Variants in CDKAL1 observed in about 807,000 individuals in gnomAD.
CDKAL1 encodes the protein threonylcarbamoyladenosine tRNA methylthiotransferase.
A neutral mutation model predicts 68.2 loss-of-function variants in CDKAL1; 32 were observed. That is an observed-to-expected ratio of 0.47 (90% confidence interval 0.35 to 0.63). The LOEUF (loss-of-function observed/expected upper bound fraction) is 0.63. CDKAL1 is among the 30% of genes least tolerant of loss of function. The probability of loss-of-function intolerance (pLI) is 0.00; values close to 1 mark genes in which losing one functional copy is unlikely to be tolerated. For missense variants in CDKAL1, 606 were observed against 696.7 expected (o/e 0.87, Z 1.47); for synonymous variants, 234 against 244.3 (o/e 0.96, Z 0.39).
intron 12 of CDKAL1, among the ~76,000 whole-genome samples, chr6:21,081,874 A>G (rs9368272): frequency 0.52 from 79,405 of 151,842 alleles, 20,806 homozygotes; most frequent in East Asian, 0.55. Flanking sequence ...CACTGTGCCC[A>G]GCCAATATAC....
chr6:21,052,101 G>T (rs772592733), intron 11 of CDKAL1, among the ~76,000 whole-genome samples: 24 of 152,154 alleles, frequency 1.6e-4, no homozygotes, highest in South Asian at 4.1e-4. Flanking sequence ...GTTAATTTAA[G>T]AAATTTTTAA....
At chr6:20,610,490 T>G (rs1766570760) in intron 4 of CDKAL1, among the ~76,000 whole-genome samples, 1 of 119,756 alleles carries the variant, frequency 8.4e-6, no homozygotes, top group South Asian at 2.5e-4. Context: ...GTGGAAAACG[T>G]TTTTTTTTCT....
At chr6:20,980,274 G>A (rs57182024) in intron 10 of CDKAL1, among the ~76,000 whole-genome samples, 9 of 152,080 alleles carry the variant, frequency 5.9e-5, no homozygotes, top group African/African-American at 2.2e-4. Flanking sequence ...GTCTCGTTCT[G>A]TCGCCCAGGC....
chr6:21,196,745 C>T (rs1156674357), intron 13 of CDKAL1, among the ~76,000 whole-genome samples: 1 of 152,126 alleles, frequency 6.6e-6, no homozygotes, highest in African/African-American at 2.4e-5. Flanking sequence ...AATTATCTTG[C>T]CAGTGGGCTT....
At chr6:20,918,575 A>G (rs1268449819) in intron 9 of CDKAL1, among the ~76,000 whole-genome samples, 1 of 152,240 alleles carries the variant, frequency 6.6e-6, no homozygotes, top group Non-Finnish European at 1.5e-5. Flanking sequence ...GAAGAATAAA[A>G]CATACACATT....
chr6:20,663,123 T>G (rs1769365118), intron 5 of CDKAL1, among the ~76,000 whole-genome samples: 1 of 152,282 alleles, frequency 6.6e-6, no homozygotes, highest in Non-Finnish European at 1.5e-5. Flanking sequence ...TGTCCCTTCT[T>G]TAAAGGAGCT....
At chr6:20,557,581 A>C (rs759395941) in intron 4 of CDKAL1, among the ~76,000 whole-genome samples, 10 of 152,288 alleles carry the variant, frequency 6.6e-5, no homozygotes, top group Non-Finnish European at 1.2e-4. Flanking sequence ...GAATACATAT[A>C]TATGTTTTAT....
chr6:20,851,566 T>G (rs1205423008), intron 9 of CDKAL1, among the ~76,000 whole-genome samples: 1 of 152,104 alleles, frequency 6.6e-6, no homozygotes, highest in African/African-American at 2.4e-5. Flanking sequence ...TTACTACTTT[T>G]TGGCTCCCTC....
At chr6:20,844,711 CA>C (rs1554129778) in intron 8 of CDKAL1, among the ~76,000 whole-genome samples, 7 of 28,662 alleles carry the variant, frequency 2.4e-4, no homozygotes, top group African/African-American at 4.6e-4. Flanking sequence ...AACAGAAAAA[CA>C]AAAACAAAAA....
chr6:21,196,947 C>G (rs1401773561), intron 13 of CDKAL1, among the ~76,000 whole-genome samples: 2 of 152,132 alleles, frequency 1.3e-5, no homozygotes, highest in Non-Finnish European at 2.9e-5. Flanking sequence ...CACCTGAGGT[C>G]AGGAGTTCGA....
intron 7 of CDKAL1, among the ~76,000 whole-genome samples, chr6:20,771,893 G>A (rs1029257878): frequency 2.0e-5 from 3 of 152,210 alleles, no homozygotes; most frequent in East Asian, 1.9e-4. Flanking sequence ...CATACTTCCC[G>A]TACAGCCTGC....
chr6:21,199,293 G>A (rs1269907013), intron 14 of CDKAL1, among the ~76,000 whole-genome samples: 1 of 152,158 alleles, frequency 6.6e-6, no homozygotes, highest in African/African-American at 2.4e-5. Context: ...TGCGTCCCCA[G>A]GAAACAGGGG....
chr6:20,704,931 C>A (rs1189749125), intron 5 of CDKAL1, among the ~76,000 whole-genome samples: 1 of 152,118 alleles, frequency 6.6e-6, no homozygotes, highest in East Asian at 1.9e-4. Flanking sequence ...ATAAATGGGT[C>A]AGAAAGCCTG....
At chr6:20,921,726 A>G (rs1478020407) in intron 9 of CDKAL1, among the ~76,000 whole-genome samples, 1 of 152,208 alleles carries the variant, frequency 6.6e-6, no homozygotes. Flanking sequence ...ACTTCATTTC[A>G]TTGCCTATTG....
rs1491171083 is a variant in CDKAL1, at chr6:20,988,180, A to ATGTGTGTGTGTGTGTGTG, written c.910-12046_910-12045insGTGTGTGTGTGTGTGTGT. The stretch of plus-strand genomic sequence containing the variant: ...AATCAAAGTCCTTCAAAGAAACATA[A>ATGTGTGTGTGTGTGTGTG]TATGTGTGTGTGTGTGTGTGTGTGT... On this transcript the variant is annotated intron_variant, in intron 10 of 15. Transcript: ENST00000274695. Among the ~76,000 whole-genome samples the ATGTGTGTGTGTGTGTGTG allele has an allele frequency of 8.7e-5, 3 of 34,298 alleles. No homozygotes were observed. The Admixed American group carries it at 1.1e-3, about 12-fold the overall frequency. 22.5% of individuals were successfully genotyped at this position (34,298 alleles called of 152,430 possible). A position where few individuals can be genotyped will look rare whatever the true frequency, so the allele number is the denominator to read the frequency against.
intron 4 of CDKAL1, among the ~76,000 whole-genome samples, chr6:20,646,916 TG>T (rs570816967): frequency 9.5e-4 from 144 of 152,240 alleles, no homozygotes; most frequent in Non-Finnish European, 1.8e-3. Context: ...GCTAATTTTT[TG>T]TATTATTAGT....
At chr6:20,746,299 G>A (rs1447109157) in intron 6 of CDKAL1, among the ~76,000 whole-genome samples, 1 of 152,194 alleles carries the variant, frequency 6.6e-6, no homozygotes, top group Non-Finnish European at 1.5e-5. Flanking sequence ...TGTAACTTCT[G>A]TTGAAAGGGC....
intron 5 of CDKAL1, among the ~76,000 whole-genome samples, chr6:20,694,843 A>G (rs1450646704): frequency 6.6e-6 from 1 of 152,154 alleles, no homozygotes; most frequent in Admixed American, 6.5e-5. Flanking sequence ...TACAGTCCTC[A>G]CAGTAATGAG....
intron 5 of CDKAL1, among the ~76,000 whole-genome samples, chr6:20,679,867 C>G (rs1770295320): frequency 6.6e-6 from 1 of 152,030 alleles, no homozygotes; most frequent in African/African-American, 2.4e-5. Flanking sequence ...GTTGACTGTT[C>G]CAAGTAAATT....
Sources: gnomAD v4.1 joint callset for allele counts (sites outside exome capture counted in the v4.1 genomes callset) on GRCh38, gnomAD v4.1.1 for gene constraint, MANE v1.5 for transcripts, NCBI Gene and HGNC (gene_info 2026-07-23, HGNC 2026-07-21) for gene names.